The following API5 variants were observed in gnomAD, a reference collection of about 807,000 sequenced individuals.
The protein encoded by API5 is FIF.
Under a neutral mutation model 71.9 loss-of-function variants are expected in API5, and 6 were observed. The ratio of observed to expected loss-of-function variants is 0.08; its 90% CI spans 0.05 to 0.16. The LOEUF (loss-of-function observed/expected upper bound fraction) is 0.16, where lower values mean the gene tolerates loss of function less well. API5 is among the 10% of genes least tolerant of loss of function. The probability of loss-of-function intolerance (pLI) is 1.00; values close to 1 mark genes in which losing one functional copy is unlikely to be tolerated. For missense variants in API5, 332 were observed against 612.8 expected (o/e 0.54, Z 4.84); for synonymous variants, 189 against 221.3 (o/e 0.85, Z 1.30).
intron 6 of API5, among the ~76,000 whole-genome samples, chr11:43,324,178 C>T (rs563790585): frequency 3.9e-5 from 6 of 152,100 alleles, no homozygotes; most frequent in African/African-American, 7.2e-5. Flanking sequence ...CTATCACACT[C>T]GGCTAATTTT....
At position 43,342,581 on chromosome 11, in the gene API5, C is replaced by T. The variant is rs745312752; in HGVS notation, c.*71C>T. The T allele has an allele frequency of 1.9e-5, 28 of 1,495,090 alleles. No homozygotes were observed. The highest frequency in any genetic ancestry group is 2.3e-5 in the East Asian group (1 of 43,888). The allele number at this position is 1,495,090 out of a possible 1,614,324, so 92.6% of individuals were successfully genotyped here. A position where few individuals can be genotyped will look rare whatever the true frequency, so the allele number is the denominator to read the frequency against. ...TAAATTCTACTACTCATTGGATTGC[C>T]GGGGATGTCCCTTTAAACAGACTGC... is the stretch of plus-strand genomic sequence containing the variant. On this transcript the variant is annotated 3_prime_UTR_variant, in exon 14 of 14. Transcript: ENST00000531273.
rs891634529 is a variant in API5 at position 43,329,211 on chromosome 11, G to A, written c.1127+318G>A. On this transcript the variant is annotated intron_variant, in intron 9 of 13. Coordinates refer to ENST00000531273, the MANE Select transcript of API5 (RefSeq NM_001142930.2). ...ACTTTAAAAAAATTAGCGGAGTGTGGTAACACACCAGTAGTCCCAGCTACT... is the reference window on the plus strand; with the variant it reads ...ACTTTAAAAAAATTAGCGGAGTGTGATAACACACCAGTAGTCCCAGCTACT... 5 of 242,758 alleles carry A rather than the reference G, an allele frequency of 2.1e-5. No homozygotes were observed. The Admixed American group carries it at 2.4e-4, about 12-fold the overall frequency. 15.0% of individuals were successfully genotyped at this position (242,758 alleles called of 1,614,324 possible).
At chr11:43,313,139 T>A (rs986741853) in intron 1 of API5, among the ~76,000 whole-genome samples, 1 of 151,914 alleles carries the variant, frequency 6.6e-6, no homozygotes, top group Non-Finnish European at 1.5e-5. Context: ...TTTAAAAATT[T>A]ATTCTTTTTA....
chr11:43,342,100 G>A (rs924747790), intron 13 of API5, among the ~76,000 whole-genome samples: 2 of 152,076 alleles, frequency 1.3e-5, no homozygotes, highest in Non-Finnish European at 1.5e-5. Flanking sequence ...AACTGTGAAC[G>A]CACCACTGCA....
At chr11:43,336,115 G>A in intron 13 of API5, 121 bp downstream of exon 13, 1 of 1,321,432 alleles carries the variant, frequency 7.6e-7, no homozygotes, top group Non-Finnish European at 1.0e-6. Flanking sequence ...TTCTGAATTA[G>A]CTTGGAGAAC....
intron 1 of API5, among the ~76,000 whole-genome samples, chr11:43,312,931 ACC>A (rs1854535680): frequency 6.6e-6 from 1 of 151,860 alleles, no homozygotes; most frequent in South Asian, 2.1e-4. Context: ...ACATGGTGAA[ACC>A]CTGTCTCTAC....
At chr11:43,316,811 T>C (rs1476999752) in intron 1 of API5, among the ~76,000 whole-genome samples, 9 of 152,090 alleles carry the variant, frequency 5.9e-5, no homozygotes, top group Non-Finnish European at 1.3e-4. Flanking sequence ...CACACCACCA[T>C]GCCTGGTTAA....
intron 11 of API5, 109 bp from the exon 12 acceptor site, chr11:43,335,169 C>T (rs958758538): frequency 3.9e-6 from 3 of 773,378 alleles, no homozygotes; most frequent in African/African-American, 3.5e-5. Context: ...GCAGTAAGCT[C>T]TGTCTCCTAA....
In API5 at chr11:43,312,172, C is replaced by T. The variant is rs776407360; in HGVS notation, c.45C>T (p.Ala15=). 1 of 1,613,960 alleles carries T rather than the reference C, an allele frequency of 6.2e-7. No homozygotes were observed. ...EELYRNYGIL[A]DATEQVGQHK... ...TTTACCGCAATTATGGCATCCTGGC[C>T]GATGCCACGGAGCAAGTGGGCCAGG... is the stretch of plus-strand genomic sequence containing the variant. The change falls in exon 1 of 14, where the codon GCC becomes GCT. Residue 15 remains alanine (A), a synonymous_variant. Transcript: ENST00000531273.
intron 6 of API5, among the ~76,000 whole-genome samples, chr11:43,324,742 A>G (rs1304754989): frequency 6.6e-6 from 1 of 152,088 alleles, no homozygotes; most frequent in African/African-American, 2.4e-5. Flanking sequence ...CAGTGGCATG[A>G]TCTTGGCTGA....
chr11:43,325,230 G>A (rs962652132), intron 6 of API5, among the ~76,000 whole-genome samples: 6 of 152,154 alleles, frequency 3.9e-5, no homozygotes, highest in Non-Finnish European at 8.8e-5. Context: ...AGTTTGAAAA[G>A]AGCACCTATC....
In API5 at chr11:43,329,960, T is replaced by C; in HGVS notation, c.1128-5T>C. 6.2e-7 allele frequency: 1 copy of C among 1,612,572 alleles called. No individual in the cohort carries two copies. Among genetic ancestry groups the C allele is most frequent in the Non-Finnish European group, 8.5e-7 (1 of 1,178,962 alleles). ...TTGCTAATTAACAAATACATTTTCA[T>C]TTAGGCTGCAGTACTTTGCACGGGG... On this transcript the variant is annotated splice_polypyrimidine_tract_variant and splice_region_variant and intron_variant, in intron 9 of 13. Coordinates refer to ENST00000531273, the MANE Select transcript of API5 (RefSeq NM_001142930.2).
chr11:43,324,380 G>C (rs750104044), intron 6 of API5, among the ~76,000 whole-genome samples: 55 of 152,198 alleles, frequency 3.6e-4, no homozygotes, highest in Non-Finnish European at 5.4e-4. Context: ...TTTGCATTCT[G>C]TCTCAGGCTT....
chr11:43,325,515 C>T (rs1017005638), intron 6 of API5, among the ~76,000 whole-genome samples: 27 of 152,294 alleles, frequency 1.8e-4, no homozygotes, highest in African/African-American at 6.3e-4. Flanking sequence ...AAACAATAGC[C>T]AACATCATCG....
At chr11:43,314,381 G>A (rs560107357) in intron 1 of API5, among the ~76,000 whole-genome samples, 13 of 152,262 alleles carry the variant, frequency 8.5e-5, no homozygotes, top group Non-Finnish European at 1.9e-4. Context: ...AGAGTTGCTT[G>A]CATTTCCTTC....
chr11:43,336,516 C>T (rs1458661081), intron 13 of API5, among the ~76,000 whole-genome samples: 1 of 152,162 alleles, frequency 6.6e-6, no homozygotes, highest in Non-Finnish European at 1.5e-5. Flanking sequence ...TCTCCCTCTG[C>T]CCAGAATGCA....
chr11:43,319,112 CTG>C (rs1408045409), intron 2 of API5: 6 of 262,180 alleles, frequency 2.3e-5, no homozygotes, highest in South Asian at 1.1e-4. Flanking sequence ...TGAAATTAGA[CTG>C]TTTTTAATCA....
chr11:43,327,164 C>T (rs903159785), intron 7 of API5, among the ~76,000 whole-genome samples: 6 of 152,232 alleles, frequency 3.9e-5, no homozygotes, highest in Non-Finnish European at 5.9e-5. Context: ...TATGGAAATG[C>T]GTGTGCCATT....
In API5 at chr11:43,337,319, C is replaced by T. The variant is rs1175416942; in HGVS notation, c.1492+1325C>T. 3.3e-5 allele frequency among the ~76,000 whole-genome samples: 5 copies of T among 152,088 alleles called. No homozygotes were observed. The South Asian group carries it at 1.0e-3, about 31-fold the overall frequency. ...TCCAGCTGGGTGACCAAGCAAGACC[C>T]TGTCTCTTAAAATAAAAAAAAAGTA... On this transcript the variant is annotated intron_variant, in intron 13 of 13. Transcript: ENST00000531273.
Sources: allele counts gnomAD v4.1 joint callset (sites outside exome capture counted in the v4.1 genomes callset), GRCh38; gene constraint gnomAD v4.1.1; transcripts MANE v1.5; gene names NCBI Gene and HGNC (gene_info 2026-07-23, HGNC 2026-07-21).